The following TRIM14 variants were observed in gnomAD, a reference collection of about 807,000 sequenced individuals.
TRIM14 encodes the protein tripartite motif-containing protein 14.
In TRIM14, 28 loss-of-function variants were observed where a neutral mutation model predicts 44.5. The ratio of observed to expected loss-of-function variants is 0.63; its 90% CI spans 0.47 to 0.86. The LOEUF is 0.86. Among genes scored for constraint, TRIM14 ranks in the 40% least tolerant of loss-of-function variants. The pLI is 0.00. For missense variants in TRIM14, 607 were observed against 611.1 expected (o/e 0.99, Z 0.07); for synonymous variants, 299 against 269.2 (o/e 1.11, Z -1.08).
Position 98,091,988 on chromosome 9 carries a change from C to G in TRIM14, c.714G>C (p.Gln238His). 6.2e-7 allele frequency: 1 copy of G among 1,609,180 alleles called. No individual in the cohort carries two copies. Among genetic ancestry groups the G allele is most frequent in the Non-Finnish European group, 8.5e-7 (1 of 1,176,610 alleles). ...GCTTGGTGCTGGAAGGGTCTGAGAG[C>G]TGGCAGTTTATGCCTGTAAGGAATT... ...DIRLKESINCQLSDPSSTKPG... is the reference protein window; with the variant it reads ...DIRLKESINCHLSDPSSTKPG... Residue 238 changes from glutamine (Q) to histidine (H), a missense_variant, in exon 5 of 6, where the codon CAG (glutamine) becomes CAC (histidine). Physicochemically the swap from Gln to His is conservative, Grantham distance 24. Coordinates refer to ENST00000341469, the MANE Select transcript of TRIM14 (RefSeq NM_014788.4).
At chr9:98,066,296 A>G (rs1056136908), downstream of TRIM14, among the ~76,000 whole-genome samples, 1 of 152,228 alleles carries the variant, frequency 6.6e-6, no homozygotes, top group Non-Finnish European at 1.5e-5. Flanking sequence ...CCACAAAGGC[A>G]AAGCTATTTC....
intron 2 of TRIM14, among the ~76,000 whole-genome samples, chr9:98,101,436 T>C (rs1826387133): frequency 6.6e-6 from 1 of 152,038 alleles, no homozygotes; most frequent in Non-Finnish European, 1.5e-5. Flanking sequence ...AATTTTTTTT[T>C]TTTTTTCAGA....
At chr9:98,105,135 C>A (rs1424986297) in intron 2 of TRIM14, among the ~76,000 whole-genome samples, 2 of 152,184 alleles carry the variant, frequency 1.3e-5, no homozygotes, top group African/African-American at 2.4e-5. Flanking sequence ...GGTTCATGTC[C>A]CCCCATTGGT....
the TRIM14 span, among the ~76,000 whole-genome samples, chr9:98,046,826 T>TA: frequency 6.6e-6 from 1 of 152,080 alleles, no homozygotes; most frequent in Non-Finnish European, 1.5e-5. Context: ...ACTAATTGAT[T>TA]AAAAAAAATT....
the TRIM14 span, chr9:98,056,816 T>C: frequency 3.7e-6 from 6 of 1,608,164 alleles, no homozygotes; most frequent in African/African-American, 1.3e-5. Context: ...GCAATGCCGC[T>C]GGAGCTGGAG....
intron 3 of TRIM14, 81 bp downstream of exon 3, chr9:98,099,850 A>G (rs910311464): frequency 2.3e-5 from 29 of 1,280,030 alleles, no homozygotes; most frequent in Non-Finnish European, 3.3e-5. Flanking sequence ...TAGTGTGTCA[A>G]TACTGTGCTC....
At chr9:98,083,255 T>G (rs1015456450), downstream of TRIM14, among the ~76,000 whole-genome samples, 17 of 152,190 alleles carry the variant, frequency 1.1e-4, no homozygotes, top group African/African-American at 3.6e-4. Context: ...ATGCAATCTC[T>G]CCTTCAAGTT....
chr9:98,094,754 A>C, intron 4 of TRIM14, 113 bp downstream of exon 4: 1 of 1,317,908 alleles, frequency 7.6e-7, no homozygotes, highest in Non-Finnish European at 1.0e-6. Flanking sequence ...CCGCCCAGCC[A>C]AGGGCCTCAG....
intron 2 of TRIM14, among the ~76,000 whole-genome samples, chr9:98,105,005 T>TGGC (rs1219038203): frequency 3.8e-5 from 5 of 131,582 alleles, no homozygotes; most frequent in African/African-American, 1.7e-4. Flanking sequence ...ATGGTGGCAA[T>TGGC]GGCAGGCAGG....
At chr9:98,082,256 C>CTAT (rs1302990371), downstream of TRIM14, 42 of 152,404 alleles carry the variant, frequency 2.8e-4, no homozygotes, top group Admixed American at 2.7e-3. Flanking sequence ...CTTCATATTT[C>CTAT]TATTTTACCA....
In TRIM14 at chr9:98,077,992, G is replaced by A. The variant is rs1406956071; in HGVS notation, c.*29-8305C>T. The A allele has an allele frequency of 1.0e-4, 65 of 639,800 alleles. No homozygotes were observed. In the South Asian group the frequency reaches 1.4e-3, roughly 14 times the overall value. The allele number at this position is 639,800 out of a possible 1,614,324, so 39.6% of individuals were successfully genotyped here. ...TTTTGCTCAAGAACACTGTCGGGGG[G>A]CAGAGGGGAGCCCACCTTTCCTGTG... On this transcript the variant is annotated intron_variant, in intron 6 of 6. Coordinates refer to the TRIM14 transcript ENST00000375098.
the TRIM14 span, chr9:98,061,347 C>T: frequency 2.5e-5 from 6 of 238,916 alleles, no homozygotes; most frequent in Non-Finnish European, 3.4e-5. Context: ...CATGGTGGTG[C>T]GTGCCTGTAA....
At chr9:98,100,648 CAA>C (rs1826356478) in intron 2 of TRIM14, among the ~76,000 whole-genome samples, 1 of 151,994 alleles carries the variant, frequency 6.6e-6, no homozygotes, top group African/African-American at 2.4e-5. Flanking sequence ...GATAACAAAA[CAA>C]TAAATCTACA....
At chr9:98,082,843 C>T (rs1302741269), downstream of TRIM14, 1 of 1,613,858 alleles carries the variant, frequency 6.2e-7, no homozygotes, top group Non-Finnish European at 8.5e-7. Context: ...ATTTTGTCCA[C>T]AGCTGGGCAA....
At chr9:98,059,730 G>GTTT in the TRIM14 span, among the ~76,000 whole-genome samples, 1 of 139,524 alleles carries the variant, frequency 7.2e-6, no homozygotes, top group African/African-American at 2.6e-5. Context: ...AGTGTTTTTT[G>GTTT]TTTTTTTTTT....
downstream of TRIM14, among the ~76,000 whole-genome samples, chr9:98,066,353 C>A (rs1397916318): frequency 6.6e-6 from 1 of 152,124 alleles, no homozygotes; most frequent in Non-Finnish European, 1.5e-5. Flanking sequence ...ATCATTCTCA[C>A]AAGTATATAG....
At chr9:98,073,271 C>CCTT (rs1564161444) in intron 6 of TRIM14, among the ~76,000 whole-genome samples, 8 of 57,848 alleles carry the variant, frequency 1.4e-4, no homozygotes, top group Admixed American at 2.1e-4. Flanking sequence ...TCACCATGGG[C>CCTT]TTTTTTTTTT....
chr9:98,083,834 T>C (rs914271987), downstream of TRIM14, among the ~76,000 whole-genome samples: 1 of 152,050 alleles, frequency 6.6e-6, no homozygotes, highest in African/African-American at 2.4e-5. Flanking sequence ...GAGGCTGAGG[T>C]GGGAGGATTG....
the TRIM14 span, among the ~76,000 whole-genome samples, chr9:98,055,469 G>A: frequency 6.6e-6 from 1 of 152,204 alleles, no homozygotes; most frequent in Admixed American, 6.5e-5. Context: ...CACAAGATCA[G>A]ATGAACCAGT....
Sources: allele counts gnomAD v4.1 joint callset (sites outside exome capture counted in the v4.1 genomes callset), GRCh38; gene constraint gnomAD v4.1.1; transcripts MANE v1.5; gene names NCBI Gene and HGNC (gene_info 2026-07-23, HGNC 2026-07-21).